The following MACROD1 variants were observed in gnomAD, a reference collection of about 807,000 sequenced individuals.
MACROD1 encodes the protein ADP-ribose glycohydrolase MACROD1.
Under a neutral mutation model 41.4 loss-of-function variants are expected in MACROD1, and 31 were observed. That is an observed-to-expected ratio of 0.75 (90% CI 0.56 to 1.01). The LOEUF (loss-of-function observed/expected upper bound fraction) is 1.01. Ranked by LOEUF, MACROD1 falls within the 50% of genes least tolerant of loss-of-function variation. The pLI is 0.00. For missense variants in MACROD1, 473 were observed against 460.0 expected, an observed-to-expected ratio of 1.03 and a Z score of -0.26; for synonymous variants, 252 against 203.4, an observed-to-expected ratio of 1.24 and a Z score of -2.03.
chr11:64,166,083 G>A lies in MACROD1; in HGVS notation c.-89C>T. ...TCTCCCTTATTTACTCTGGGACCGG[G>A]TGGCGACTGCCAGCCAGCGGCGACC... On this transcript the variant is annotated 5_prime_UTR_variant, in exon 1 of 11. Coordinates refer to ENST00000255681, the MANE Select transcript of MACROD1 (RefSeq NM_014067.4). The A allele has an allele frequency of 1.6e-6, 2 of 1,216,294 alleles. No individual in the cohort carries two copies. The highest frequency in any genetic ancestry group is 2.1e-6 in the Non-Finnish European group (2 of 974,834). 75.3% of individuals were successfully genotyped at this position (1,216,294 alleles called of 1,614,324 possible).
intron 3 of MACROD1, among the ~76,000 whole-genome samples, chr11:64,113,420 G>GGATA (rs1274867528): frequency 1.7e-4 from 20 of 118,980 alleles, no homozygotes; most frequent in Non-Finnish European, 3.6e-4. Flanking sequence ...GTTGATGCAT[G>GGATA]GATGGATGGA....
At chr11:64,028,095 G>A (rs1943244655) in intron 3 of MACROD1, among the ~76,000 whole-genome samples, 1 of 152,224 alleles carries the variant, frequency 6.6e-6, no homozygotes, top group African/African-American at 2.4e-5. Context: ...CTCTCAGGAT[G>A]CGGGGCTGGG....
chr11:64,142,497 T>C (rs1945427412), intron 3 of MACROD1, among the ~76,000 whole-genome samples: 1 of 152,162 alleles, frequency 6.6e-6, no homozygotes, highest in Non-Finnish European at 1.5e-5. Context: ...GCGGAAGACC[T>C]TGGGGTGGAA....
intron 3 of MACROD1, among the ~76,000 whole-genome samples, chr11:64,107,338 T>G (rs1423648824): frequency 1.3e-5 from 2 of 149,894 alleles, no homozygotes; most frequent in African/African-American, 4.9e-5. Context: ...TCTCCTTTCA[T>G]CCCCCCACCC....
intron 4 of MACROD1, among the ~76,000 whole-genome samples, chr11:64,005,569 G>T (rs988238464): frequency 3.3e-5 from 5 of 152,258 alleles, no homozygotes; most frequent in African/African-American, 1.2e-4. Context: ...CTGCTGCCCT[G>T]TGACTGCAGC....
intron 3 of MACROD1, among the ~76,000 whole-genome samples, chr11:64,089,256 G>A (rs191005122): frequency 1.1e-4 from 17 of 152,334 alleles, no homozygotes; most frequent in African/African-American, 3.6e-4. Context: ...CTGGGTGGGG[G>A]AGCAGGGCTT....
intron 3 of MACROD1, among the ~76,000 whole-genome samples, chr11:64,100,858 T>C (rs1944658336): frequency 6.6e-6 from 1 of 151,498 alleles, no homozygotes; most frequent in Non-Finnish European, 1.5e-5. Context: ...CCAGGGAAGG[T>C]GGGGGTGGGG....
intron 1 of MACROD1, among the ~76,000 whole-genome samples, chr11:64,152,739 C>T (rs1292805163): frequency 6.6e-6 from 1 of 152,220 alleles, no homozygotes; most frequent in Non-Finnish European, 1.5e-5. Flanking sequence ...GTGAAGACGT[C>T]CCCTGCAGAA....
chr11:64,068,996 C>A (rs1770996652), intron 3 of MACROD1, among the ~76,000 whole-genome samples: 1 of 152,206 alleles, frequency 6.6e-6, no homozygotes, highest in Admixed American at 6.5e-5. Context: ...CCTGATAGTG[C>A]CACTCACTAA....
chr11:64,111,111 T>C (rs2134592772), intron 3 of MACROD1, among the ~76,000 whole-genome samples: 1 of 152,364 alleles, frequency 6.6e-6, no homozygotes, highest in Non-Finnish European at 1.5e-5. Context: ...TGCTGAGGCC[T>C]CTGAAGGCTG....
chr11:64,163,859 G>C (rs911058211), intron 1 of MACROD1, among the ~76,000 whole-genome samples: 1 of 152,174 alleles, frequency 6.6e-6, no homozygotes, highest in African/African-American at 2.4e-5. Flanking sequence ...CCCCGAAAGC[G>C]TCCCTCTAAC....
At chr11:64,079,473 G>A (rs754935672) in intron 3 of MACROD1, among the ~76,000 whole-genome samples, 4 of 152,168 alleles carry the variant, frequency 2.6e-5, no homozygotes, top group Non-Finnish European at 4.4e-5. Flanking sequence ...GGGCACGCAG[G>A]GGCAGGAATG....
chr11:64,123,401 C>A (rs1191187548), intron 3 of MACROD1, among the ~76,000 whole-genome samples: 1 of 152,212 alleles, frequency 6.6e-6, no homozygotes, highest in Non-Finnish European at 1.5e-5. Context: ...CGTTTACAAC[C>A]AAGCAAGTCT....
At position 64,077,004 on chromosome 11, in the gene MACROD1, C is replaced by A. The variant is rs76464232; in HGVS notation, c.518-61723G>T. ...GCTGAGTGACGGATGGGAGCTGTCG[C>A]TAGGCCCTTGAGCTGTGGGGAGTAG... is the stretch of plus-strand genomic sequence containing the variant. On this transcript the variant is annotated intron_variant, in intron 3 of 10. Transcript: ENST00000255681. Among the ~76,000 whole-genome samples, 38 of 151,734 alleles carry A rather than the reference C, an allele frequency of 2.5e-4. No homozygotes were observed. The East Asian group carries it at 7.5e-3, about 30-fold the overall frequency.
chr11:64,076,504 G>C (rs1318131892), intron 3 of MACROD1, among the ~76,000 whole-genome samples: 2 of 152,200 alleles, frequency 1.3e-5, no homozygotes, highest in African/African-American at 4.8e-5. Context: ...TGTCTCATCT[G>C]TGCCGGGCCC....
At chr11:64,014,568 C>A (rs543661226) in intron 4 of MACROD1, among the ~76,000 whole-genome samples, 5 of 152,348 alleles carry the variant, frequency 3.3e-5, no homozygotes, top group Non-Finnish European at 5.9e-5. Context: ...GTGCAGACAG[C>A]GGGCAGCCTG....
At chr11:64,052,734 C>T (rs1943717084) in intron 3 of MACROD1, among the ~76,000 whole-genome samples, 1 of 152,216 alleles carries the variant, frequency 6.6e-6, no homozygotes, top group South Asian at 2.1e-4. Flanking sequence ...AACCTCCCAG[C>T]TTCTAGGGGT....
At chr11:64,071,290 G>C (rs1944103650) in intron 3 of MACROD1, among the ~76,000 whole-genome samples, 1 of 152,036 alleles carries the variant, frequency 6.6e-6, no homozygotes, top group African/African-American at 2.4e-5. Context: ...AGGCCTGTGT[G>C]GGGTACTCAG....
At chr11:64,081,076 C>T (rs970083913) in intron 3 of MACROD1, among the ~76,000 whole-genome samples, 1 of 152,178 alleles carries the variant, frequency 6.6e-6, no homozygotes, top group Non-Finnish European at 1.5e-5. Flanking sequence ...GGCTGGAGTG[C>T]AGTGGCATGA....
Sources: gnomAD v4.1 joint callset for allele counts (sites outside exome capture counted in the v4.1 genomes callset) on GRCh38, gnomAD v4.1.1 for gene constraint, MANE v1.5 for transcripts, NCBI Gene and HGNC (gene_info 2026-07-23, HGNC 2026-07-21) for gene names.